TMEM44: variants seen among roughly 807,000 people sequenced by gnomAD.
TMEM44 encodes transmembrane protein 44.
Under a neutral mutation model 47.8 loss-of-function variants are expected in TMEM44, and 43 were observed. The observed-to-expected ratio is 0.90, with a 90% CI of 0.70 to 1.16. The LOEUF is 1.16. TMEM44 is among the 50% of genes most tolerant of loss of function. The pLI is 0.00. For synonymous variants in TMEM44, 277 were observed against 238.8 expected, an observed-to-expected ratio of 1.16 and a Z score of -1.48; for missense variants, 568 against 555.2, an observed-to-expected ratio of 1.02 and a Z score of -0.23.
At chr3:194,591,873 T>C (rs58227381) in intron 9 of TMEM44, among the ~76,000 whole-genome samples, 1 of 152,028 alleles carries the variant, frequency 6.6e-6, no homozygotes, top group African/African-American at 2.4e-5. Flanking sequence ...TTCCAAAGTG[T>C]TGGGATTACA....
Position 194,633,149 on chromosome 3 carries a change from G to C in TMEM44, c.67C>G (p.Arg23Gly). 6.5e-7 allele frequency: 1 copy of C among 1,549,470 alleles called. No homozygotes were observed. Among genetic ancestry groups the C allele is most frequent in the Non-Finnish European group, 8.7e-7 (1 of 1,147,104 alleles). Reference sequence around the variant, plus strand: ...CCGAAGGAGATGCAGACGCGGTGGCGGGCGAAGCAGCGGTCCAGGTAGTCC... The same window carrying C: ...CCGAAGGAGATGCAGACGCGGTGGCCGGCGAAGCAGCGGTCCAGGTAGTCC... The part of the protein sequence containing the change: ...DWDYLDRCFA[R>G]HRVCISFGLW... Residue 23 changes from arginine to glycine, a missense_variant, in exon 1 of 10, where the codon CGC becomes GGC. Physicochemically the swap from Arg to Gly is moderately radical, Grantham distance 125. Transcript: ENST00000347147.
At chr3:194,601,259 C>G (rs1459026345) in intron 9 of TMEM44, among the ~76,000 whole-genome samples, 4 of 151,784 alleles carry the variant, frequency 2.6e-5, no homozygotes, top group African/African-American at 9.7e-5. Context: ...ATTCTCCTGC[C>G]CAGTAGTAGC....
chr3:194,592,034 AG>A (rs1712803290), intron 9 of TMEM44, among the ~76,000 whole-genome samples: 1 of 151,984 alleles, frequency 6.6e-6, no homozygotes, highest in African/African-American at 2.4e-5. Context: ...CTGGCTAACA[AG>A]GTGAAACCCC....
rs756927109 is a variant in TMEM44 at position 194,623,236 on chromosome 3, AG to A, written c.599del (p.Pro200LeufsTer51). On this transcript the variant is annotated frameshift_variant, in exon 5 of 10. Transcript: ENST00000347147. LOFTEE classifies it high-confidence loss of function. ...AFGSWASRIP[P>X]LSRICRGKTF... ...CCCCCGGCCTCACAATTCTGGAGAG[AG>A]GGGGGATCCGAGAAGCCCAGGAGCC... is the stretch of plus-strand genomic sequence containing the variant. 85 of 1,609,758 alleles carry A rather than the reference AG, an allele frequency of 5.3e-5. No individual in the cohort carries two copies. The highest frequency in any genetic ancestry group is 6.9e-5 in the Non-Finnish European group (81 of 1,178,308).
In TMEM44 at chr3:194,633,189, G is replaced by T. The variant is rs368934218; in HGVS notation, c.27C>A (p.Pro9=). MGEAPSPA[P]ALWDWDYLDR... is the part of the protein sequence containing the mutation. Reference sequence around the variant, plus strand: ...CCAGGTAGTCCCAGTCCCAGAGCGCGGGCGCGGGGCTGGGCGCCTCCCCCA... The same window carrying T: ...CCAGGTAGTCCCAGTCCCAGAGCGCTGGCGCGGGGCTGGGCGCCTCCCCCA... The change falls in exon 1 of 10, where the codon CCC becomes CCA. Residue 9 remains proline, a synonymous_variant. Transcript: ENST00000347147. 17 of 1,527,952 alleles carry T rather than the reference G, an allele frequency of 1.1e-5. No individual in the cohort carries two copies. In the African/African-American group the frequency reaches 2.3e-4, roughly 20 times the overall value. 94.6% of individuals were successfully genotyped at this position (1,527,952 alleles called of 1,614,324 possible). A position where few individuals can be genotyped will look rare whatever the true frequency, so the allele number is the denominator to read the frequency against.
chr3:194,599,929 T>C (rs1189655695), intron 9 of TMEM44, among the ~76,000 whole-genome samples: 1 of 151,800 alleles, frequency 6.6e-6, no homozygotes, highest in Non-Finnish European at 1.5e-5. Flanking sequence ...CCGGCTAATT[T>C]TTGTATTTTT....
At chr3:194,632,839 G>A (rs1717960790) in intron 1 of TMEM44, 1 of 636,190 alleles carries the variant, frequency 1.6e-6, no homozygotes, top group Non-Finnish European at 2.4e-6. Flanking sequence ...GTGTCCTCGG[G>A]GCCCCATCCG....
intron 1 of TMEM44, among the ~76,000 whole-genome samples, chr3:194,629,472 G>C (rs1259397986): frequency 6.6e-6 from 1 of 152,264 alleles, no homozygotes. Flanking sequence ...GTTTCTATCA[G>C]CGTCACTGAT....
intron 5 of TMEM44, among the ~76,000 whole-genome samples, chr3:194,619,045 G>GC (rs912792145): frequency 6.6e-6 from 1 of 152,314 alleles, no homozygotes; most frequent in South Asian, 2.1e-4. Context: ...GGTGCTTGGG[G>GC]CCCCCCGACC....
At chr3:194,612,695 C>T (rs972516960) in intron 7 of TMEM44, among the ~76,000 whole-genome samples, 3 of 152,048 alleles carry the variant, frequency 2.0e-5, no homozygotes, top group Non-Finnish European at 2.9e-5. Flanking sequence ...GACGGAGTCT[C>T]GCTCTGTCGC....
chr3:194,608,673 G>A (rs546921521), intron 8 of TMEM44, among the ~76,000 whole-genome samples: 2 of 152,286 alleles, frequency 1.3e-5, no homozygotes, highest in Non-Finnish European at 2.9e-5. Flanking sequence ...AGCATTCTGG[G>A]CAGAGGAATG....
In TMEM44 at chr3:194,611,839, T is replaced by C. The variant is rs997991373; in HGVS notation, c.913-819A>G. On this transcript the variant is annotated intron_variant, in intron 7 of 9. Transcript: ENST00000347147. The surrounding 1 kb of genome is among the most constrained non-coding windows in gnomAD (Gnocchi z 4.2). Reference sequence around the variant, plus strand: ...GAGTGCGAGACCAGCCTGGTCAACATAGTGAAACCCTGTCTCTACTAAAAA... The same window carrying C: ...GAGTGCGAGACCAGCCTGGTCAACACAGTGAAACCCTGTCTCTACTAAAAA... Among the ~76,000 whole-genome samples the C allele has an allele frequency of 1.3e-5, 2 of 151,942 alleles. No homozygotes were observed. The highest frequency in any genetic ancestry group is 2.4e-5 in the African/African-American group (1 of 41,370).
chr3:194,628,227 G>C (rs547405136), intron 2 of TMEM44, among the ~76,000 whole-genome samples, 156 bp downstream of exon 2: 6 of 152,352 alleles, frequency 3.9e-5, no homozygotes, highest in South Asian at 2.1e-4. Flanking sequence ...AGCCTCTGAG[G>C]GGGGCAGAAG....
intron 9 of TMEM44, among the ~76,000 whole-genome samples, chr3:194,595,322 C>A (rs887536044): frequency 6.6e-6 from 1 of 152,176 alleles, no homozygotes; most frequent in Non-Finnish European, 1.5e-5. Context: ...TTTTTCCTTG[C>A]TTCTGAAATC....
intron 9 of TMEM44, among the ~76,000 whole-genome samples, chr3:194,601,825 A>C (rs948773090): frequency 9.9e-5 from 15 of 152,224 alleles, no homozygotes; most frequent in African/African-American, 3.4e-4. Flanking sequence ...AGACTGAAAA[A>C]CAAGAAAACA....
intron 1 of TMEM44, among the ~76,000 whole-genome samples, chr3:194,629,715 G>A (rs545245068): frequency 7.1e-5 from 10 of 140,706 alleles, no homozygotes; most frequent in South Asian, 2.4e-4. Context: ...ATACGCTGTC[G>A]TACCTGCCTC....
chr3:194,590,054 T>C (rs1453975907), intron 9 of TMEM44: 1 of 152,238 alleles, frequency 6.6e-6, no homozygotes, highest in Non-Finnish European at 1.5e-5. Context: ...GACCCAGGCA[T>C]GGACATGCTC....
chr3:194,628,880 C>G (rs1246057523), intron 1 of TMEM44, among the ~76,000 whole-genome samples: 1 of 152,168 alleles, frequency 6.6e-6, no homozygotes, highest in African/African-American at 2.4e-5. Context: ...AAAAGTAACT[C>G]AGGCTGGGTA....
rs567626346 is a variant in TMEM44 at position 194,588,077 on chromosome 3, C to A, written c.*452G>T. ...GTTCCTGTGTGTGACCCAAGGCCCC[C>A]CAGCACAGGGCCCACCCTCTCATCT... On this transcript the variant is annotated 3_prime_UTR_variant, in exon 10 of 10. Coordinates refer to ENST00000347147, the MANE Select transcript of TMEM44 (RefSeq NM_001011655.3). 1 of 156,638 alleles carries A rather than the reference C, an allele frequency of 6.4e-6. No individual in the cohort carries two copies. Among genetic ancestry groups the A allele is most frequent in the Admixed American group, 6.4e-5 (1 of 15,746 alleles). 9.7% of individuals were successfully genotyped at this position (156,638 alleles called of 1,614,324 possible).
Sources: gnomAD v4.1 joint callset for allele counts (sites outside exome capture counted in the v4.1 genomes callset) on GRCh38, gnomAD v4.1.1 for gene constraint, Gnocchi (gnomAD v3.1) non-coding constraint, MANE v1.5 for transcripts, NCBI Gene and HGNC (gene_info 2026-07-23, HGNC 2026-07-21) for gene names.